The following SORCS2 variants were observed in gnomAD, a reference collection of about 807,000 sequenced individuals.
SORCS2 encodes VPS10 domain-containing receptor SorCS2.
In SORCS2, 100 loss-of-function variants were observed where a neutral mutation model predicts 141.6. The observed-to-expected ratio is 0.71, with a 90% CI of 0.60 to 0.83. The LOEUF is 0.83. Ranked by LOEUF, SORCS2 falls within the 40% of genes least tolerant of loss-of-function variation. The probability of loss-of-function intolerance (pLI) is 0.00; values close to 1 mark genes in which losing one functional copy is unlikely to be tolerated. For missense variants in SORCS2, 1,646 were observed against 1,560.2 expected (o/e 1.05, Z -0.93); for synonymous variants, 789 against 676.9 (o/e 1.17, Z -2.57).
At position 7,193,421 on chromosome 4, in the gene SORCS2, G is replaced by A. The variant is rs561980638; in HGVS notation, c.480+295G>A. ...CACTGGCCTCCAGGTCTTGGGTTAC[G>A]GAGGAGGACCCCAGAACCTTCGGAA... On this transcript the variant is annotated intron_variant, in intron 1 of 26. Coordinates refer to ENST00000507866, the MANE Select transcript of SORCS2 (RefSeq NM_020777.3). The surrounding 1 kb of genome is among the most constrained non-coding windows in gnomAD (Gnocchi z 4.8). Among the ~76,000 whole-genome samples, 2 of 152,290 alleles carry A rather than the reference G, an allele frequency of 1.3e-5. No individual in the cohort carries two copies. The highest frequency in any genetic ancestry group is 2.1e-4 in the South Asian group (1 of 4,828).
At chr4:7,385,054 C>A (rs1340957048) in intron 1 of SORCS2, among the ~76,000 whole-genome samples, 1 of 152,164 alleles carries the variant, frequency 6.6e-6, no homozygotes, top group Non-Finnish European at 1.5e-5. Flanking sequence ...CTTGGAGAAT[C>A]CAGGAGGGCT....
intron 2 of SORCS2, among the ~76,000 whole-genome samples, chr4:7,459,265 G>T (rs1331217677): frequency 6.6e-6 from 1 of 152,080 alleles, no homozygotes; most frequent in African/African-American, 2.4e-5. Context: ...GAAGAGGGAG[G>T]ATCCTTTGCA....
intron 6 of SORCS2, among the ~76,000 whole-genome samples, chr4:7,662,230 C>CCCCCCCCCCCCCCCCCCCCCCCCCCCCCA (rs1722223055): frequency 6.8e-6 from 1 of 147,666 alleles, no homozygotes; most frequent in Non-Finnish European, 1.5e-5. Flanking sequence ...ACCCTCCCCC[C>CCCCCCCCCCCCCCCCCCCCCCCCCCCCCA]CCTCCCCCAC....
chr4:7,541,176 C>A (rs563946721), intron 3 of SORCS2, among the ~76,000 whole-genome samples: 1 of 152,342 alleles, frequency 6.6e-6, no homozygotes, highest in Non-Finnish European at 1.5e-5. Context: ...GGTGCCATGT[C>A]TGGGCCTGGG....
intron 3 of SORCS2, among the ~76,000 whole-genome samples, chr4:7,604,563 T>C (rs1472367774): frequency 6.6e-6 from 1 of 152,218 alleles, no homozygotes; most frequent in Non-Finnish European, 1.5e-5. Flanking sequence ...CCTCCCAAAG[T>C]GCTGGGATTA....
rs1162770760 is a variant in SORCS2, at chr4:7,377,359, G to A, written c.481-18929G>A. Among the ~76,000 whole-genome samples, 4 of 152,046 alleles carry A rather than the reference G, an allele frequency of 2.6e-5. No homozygotes were observed. In the East Asian group the frequency reaches 7.8e-4, roughly 29 times the overall value. On this transcript the variant is annotated intron_variant, in intron 1 of 26. Transcript: ENST00000507866. ...AGTTCCAGAACTGGGGCTGTGACGG[G>A]GGGGACAGATCGGACCTTCTGCCAA...
In SORCS2 at chr4:7,728,242, G is replaced by A. The variant is rs1427527747; in HGVS notation, c.2870-108G>A. ...CTGGGCCCTGGGATCTGAATCAAAG[G>A]CCTCCCGGGACCATCCAGGGCATGT... is the stretch of plus-strand genomic sequence containing the variant. On this transcript the variant is annotated intron_variant, in intron 21 of 26. Coordinates refer to ENST00000507866, the MANE Select transcript of SORCS2 (RefSeq NM_020777.3). 8.7e-6 allele frequency: 6 copies of A among 688,830 alleles called. No individual in the cohort carries two copies. The East Asian group carries it at 1.4e-4, about 16-fold the overall frequency. The allele number at this position is 688,830 out of a possible 1,614,324, so 42.7% of individuals were successfully genotyped here.
chr4:7,605,007 C>A (rs2108799720), intron 3 of SORCS2, among the ~76,000 whole-genome samples: 1 of 152,330 alleles, frequency 6.6e-6, no homozygotes, highest in South Asian at 2.1e-4. Flanking sequence ...AATGTAAAAT[C>A]TCAAACCAGA....
intron 1 of SORCS2, among the ~76,000 whole-genome samples, chr4:7,355,518 G>A (rs1030082648): frequency 1.3e-5 from 2 of 152,086 alleles, no homozygotes; most frequent in African/African-American, 2.4e-5. Flanking sequence ...AGGTGGTGAC[G>A]CAGGGCCCCA....
chr4:7,613,087 T>C (rs762441870), intron 3 of SORCS2, among the ~76,000 whole-genome samples: 28 of 152,224 alleles, frequency 1.8e-4, no homozygotes, highest in Admixed American at 5.2e-4. Flanking sequence ...CCCAGGCCTG[T>C]AGGCCTGCAG....
chr4:7,570,953 CCAGCCCATGG>C (rs1295259471), intron 3 of SORCS2, among the ~76,000 whole-genome samples: 1 of 152,100 alleles, frequency 6.6e-6, no homozygotes, highest in Non-Finnish European at 1.5e-5. Context: ...TGCCCCTTTT[CCAGCCCATGG>C]CAGCCCAGGG....
chr4:7,595,404 T>A (rs1717202272), intron 3 of SORCS2, among the ~76,000 whole-genome samples: 1 of 152,062 alleles, frequency 6.6e-6, no homozygotes, highest in Admixed American at 6.5e-5. Flanking sequence ...GGTGACTAAC[T>A]CCATCTCCAA....
chr4:7,576,347 A>G (rs566320674), intron 3 of SORCS2, among the ~76,000 whole-genome samples: 1 of 152,196 alleles, frequency 6.6e-6, no homozygotes, highest in Non-Finnish European at 1.5e-5. Flanking sequence ...TCCAGCAATC[A>G]CTTTTAGAAG....
chr4:7,461,252 T>A (rs1729290155), intron 2 of SORCS2, among the ~76,000 whole-genome samples: 1 of 152,254 alleles, frequency 6.6e-6, no homozygotes, highest in African/African-American at 2.4e-5. Flanking sequence ...CTTGCTTCCA[T>A]CTCTGAACGT....
intron 8 of SORCS2, among the ~76,000 whole-genome samples, chr4:7,674,499 G>T (rs912546858): frequency 6.6e-6 from 1 of 151,284 alleles, no homozygotes; most frequent in Non-Finnish European, 1.5e-5. Flanking sequence ...TGTGAACCCG[G>T]GGGGGCAGAG....
chr4:7,612,551 C>A (rs1372215079), intron 3 of SORCS2, among the ~76,000 whole-genome samples: 1 of 152,056 alleles, frequency 6.6e-6, no homozygotes, highest in East Asian at 1.9e-4. Context: ...CCACCAGGGG[C>A]CTCTACTTGA....
intron 26 of SORCS2, 47 bp downstream of exon 26, chr4:7,737,219 C>T (rs1452647525): frequency 7.8e-6 from 12 of 1,548,322 alleles, no homozygotes; most frequent in Admixed American, 3.9e-5. Context: ...CTCTAGGTAA[C>T]GTCCGCCCCA....
In SORCS2 at chr4:7,250,199, G is replaced by A. The variant is rs556021610; in HGVS notation, c.480+57073G>A. Among the ~76,000 whole-genome samples, 11 of 152,224 alleles carry A rather than the reference G, an allele frequency of 7.2e-5. No homozygotes were observed. In the East Asian group the frequency reaches 2.1e-3, roughly 29 times the overall value. The stretch of plus-strand genomic sequence containing the variant: ...GGAGGTTGCAGTGACCTGAGATCGC[G>A]CCACTGCCCTCCAGCCTGGGTGATT... On this transcript the variant is annotated intron_variant, in intron 1 of 26. Coordinates refer to ENST00000507866, the MANE Select transcript of SORCS2 (RefSeq NM_020777.3).
chr4:7,332,716 A>C (rs1719730144), intron 1 of SORCS2, among the ~76,000 whole-genome samples: 1 of 152,212 alleles, frequency 6.6e-6, no homozygotes, highest in Admixed American at 6.5e-5. Context: ...AAATCCAAAC[A>C]AACCCGAGTG....
Sources: gnomAD v4.1 joint callset for allele counts (sites outside exome capture counted in the v4.1 genomes callset) on GRCh38, gnomAD v4.1.1 for gene constraint, Gnocchi (gnomAD v3.1) non-coding constraint, MANE v1.5 for transcripts, NCBI Gene and HGNC (gene_info 2026-07-23, HGNC 2026-07-21) for gene names.